The following THSD7B variants were observed in gnomAD, a reference collection of about 807,000 sequenced individuals.
THSD7B encodes thrombospondin type-1 domain-containing protein 7B.
Under a neutral mutation model 213.6 loss-of-function variants are expected in THSD7B, and 138 were observed. The ratio of observed to expected loss-of-function variants is 0.65; its 90% confidence interval spans 0.56 to 0.74. The LOEUF (loss-of-function observed/expected upper bound fraction) is 0.74, where lower values mean the gene tolerates loss of function less well. Among genes scored for constraint, THSD7B ranks in the 30% least tolerant of loss-of-function variants. THSD7B has a pLI of 0.00. For synonymous variants in THSD7B, 742 were observed against 687.0 expected (o/e 1.08, Z -1.25); for missense variants, 1,931 against 1,991.5 (o/e 0.97, Z 0.58).
intron 17 of THSD7B, among the ~76,000 whole-genome samples, chr2:137,601,071 T>C (rs80262782): frequency 0.013 from 1,935 of 152,246 alleles, 54 homozygotes; most frequent in African/African-American, 0.043. Flanking sequence ...GTGTTTGTGT[T>C]TTATGCTTAG....
At chr2:136,806,807 C>T (rs933261317) in intron 1 of THSD7B, among the ~76,000 whole-genome samples, 1 of 152,210 alleles carries the variant, frequency 6.6e-6, no homozygotes. Context: ...CTGGATACCA[C>T]ATTACATTTA....
chr2:137,286,638 A>G (rs956595588), intron 12 of THSD7B, among the ~76,000 whole-genome samples: 1 of 151,592 alleles, frequency 6.6e-6, no homozygotes. Flanking sequence ...TATAGGTTTG[A>G]ACTATGACTG....
intron 15 of THSD7B, among the ~76,000 whole-genome samples, chr2:137,546,364 A>T (rs12329311): frequency 0.14 from 6,738 of 48,866 alleles, 721 homozygotes; most frequent in South Asian, 0.3. Context: ...TATATATATT[A>T]TATATATATA....
intron 4 of THSD7B, among the ~76,000 whole-genome samples, chr2:137,108,809 T>C (rs1222849410): frequency 6.6e-6 from 1 of 152,112 alleles, no homozygotes; most frequent in Admixed American, 6.6e-5. Context: ...GGGCAATGAG[T>C]ATCAGGCATG....
chr2:136,888,637 AT>A (rs1297457751), intron 2 of THSD7B, among the ~76,000 whole-genome samples: 1 of 152,166 alleles, frequency 6.6e-6, no homozygotes, highest in African/African-American at 2.4e-5. Context: ...ATCCAAAAGT[AT>A]AGACATATGG....
intron 1 of THSD7B, among the ~76,000 whole-genome samples, chr2:136,871,205 T>G (rs910663991): frequency 1.3e-5 from 2 of 152,170 alleles, no homozygotes; most frequent in African/African-American, 4.8e-5. Flanking sequence ...CCCATCCAAA[T>G]GCAGATGTTC....
chr2:137,243,231 TG>T (rs1290582737), intron 10 of THSD7B, among the ~76,000 whole-genome samples: 4 of 152,178 alleles, frequency 2.6e-5, no homozygotes, highest in Admixed American at 2.6e-4. Flanking sequence ...AGCTCCCTGA[TG>T]GGCTAGTTCA....
chr2:137,658,002 C>T (rs140792051), intron 24 of THSD7B, among the ~76,000 whole-genome samples: 126 of 152,326 alleles, frequency 8.3e-4, no homozygotes, highest in African/African-American at 2.9e-3. Flanking sequence ...TGAGCCACCA[C>T]GCCCGGCCAA....
chr2:136,910,776 AATG>A (rs1405086005), intron 2 of THSD7B, among the ~76,000 whole-genome samples: 1 of 152,072 alleles, frequency 6.6e-6, no homozygotes, highest in Non-Finnish European at 1.5e-5. Context: ...TATAATTTTT[AATG>A]ATATTAATTT....
At chr2:137,006,590 A>T (rs985744208) in intron 2 of THSD7B, among the ~76,000 whole-genome samples, 2 of 152,280 alleles carry the variant, frequency 1.3e-5, no homozygotes, top group Middle Eastern at 3.4e-3. Flanking sequence ...ACACTCCATT[A>T]TCAATGCAGA....
intron 13 of THSD7B, among the ~76,000 whole-genome samples, chr2:137,406,938 G>A (rs955920559): frequency 8.5e-5 from 13 of 152,210 alleles, no homozygotes; most frequent in African/African-American, 3.1e-4. Flanking sequence ...AATAGTTGAA[G>A]TTCAGGGGCC....
chr2:137,380,037 A>G (rs573199239), intron 12 of THSD7B, among the ~76,000 whole-genome samples: 3 of 152,308 alleles, frequency 2.0e-5, no homozygotes, highest in African/African-American at 7.2e-5. Flanking sequence ...CTTAAGCTTC[A>G]GGTGGAATAT....
chr2:137,200,413 A>G (rs1028334972), intron 7 of THSD7B, among the ~76,000 whole-genome samples: 29 of 140,608 alleles, frequency 2.1e-4, no homozygotes, highest in African/African-American at 7.0e-4. Context: ...TCCCATTTTT[A>G]TTTCTTCTTG....
chr2:137,316,858 A>T (rs1331074197), intron 12 of THSD7B, among the ~76,000 whole-genome samples: 1 of 152,154 alleles, frequency 6.6e-6, no homozygotes. Flanking sequence ...GTGAGCCAGT[A>T]GAAGTGGGAT....
At position 137,313,274 on chromosome 2, in the gene THSD7B, T is replaced by A. The variant is rs565816180; in HGVS notation, c.2500+37248T>A. ...TACTATTATGTAATGGCCTTCTTTG[T>A]CTCTTTTGATCTTTGTTGGTTTAAA... On this transcript the variant is annotated intron_variant, in intron 12 of 27. Coordinates refer to ENST00000409968, the MANE Select transcript of THSD7B (RefSeq NM_001316349.2). 2.2e-4 allele frequency among the ~76,000 whole-genome samples: 33 copies of A among 152,240 alleles called. No individual in the cohort carries two copies. The South Asian group carries it at 6.6e-3, about 31-fold the overall frequency.
chr2:137,360,610 T>C (rs1241123562), intron 12 of THSD7B, among the ~76,000 whole-genome samples: 3 of 152,018 alleles, frequency 2.0e-5, no homozygotes, highest in Non-Finnish European at 4.4e-5. Context: ...CCTTGCTCAC[T>C]GCTAGTCCAA....
At chr2:137,168,653 C>T (rs1680180294) in intron 6 of THSD7B, among the ~76,000 whole-genome samples, 1 of 152,132 alleles carries the variant, frequency 6.6e-6, no homozygotes, top group African/African-American at 2.4e-5. Flanking sequence ...TAATAGGACA[C>T]CCAGAATCCT....
At chr2:137,231,484 A>G (rs1265449134) in intron 8 of THSD7B, among the ~76,000 whole-genome samples, 1 of 152,354 alleles carries the variant, frequency 6.6e-6, no homozygotes, top group East Asian at 1.9e-4. Flanking sequence ...CATGGCAATC[A>G]GATGGATGTT....
chr2:137,250,797 G>A (rs149605499), intron 10 of THSD7B, among the ~76,000 whole-genome samples: 1 of 152,246 alleles, frequency 6.6e-6, no homozygotes, highest in South Asian at 2.1e-4. Flanking sequence ...TATGGAAGAA[G>A]GCAAGAAAAG....
Sources: allele counts gnomAD v4.1 joint callset (sites outside exome capture counted in the v4.1 genomes callset), GRCh38; gene constraint gnomAD v4.1.1; transcripts MANE v1.5; gene names NCBI Gene and HGNC (gene_info 2026-07-23, HGNC 2026-07-21).